Variants in POU6F2 observed in about 807,000 individuals in gnomAD.
POU6F2 encodes POU domain, class 6, transcription factor 2.
A neutral mutation model predicts 71.3 loss-of-function variants in POU6F2; 31 were observed. That is an observed-to-expected ratio of 0.43 (90% CI 0.33 to 0.59). The LOEUF is 0.59. Ranked by LOEUF, POU6F2 falls within the 20% of genes least tolerant of loss-of-function variation. The pLI, the probability that POU6F2 is intolerant of heterozygous loss-of-function variation, is 0.04. For missense variants in POU6F2, 783 were observed against 856.8 expected, an observed-to-expected ratio of 0.91 and a Z score of 1.07; for synonymous variants, 347 against 355.7, an observed-to-expected ratio of 0.98 and a Z score of 0.27.
At chr7:39,398,201 C>G (rs1269376077) in intron 5 of POU6F2, among the ~76,000 whole-genome samples, 2 of 152,050 alleles carry the variant, frequency 1.3e-5, no homozygotes, top group African/African-American at 2.4e-5. Flanking sequence ...ATGCCTGGCA[C>G]TGTTGAAAGA....
chr7:39,058,024 C>T (rs532020801), intron 1 of POU6F2, among the ~76,000 whole-genome samples: 3 of 152,140 alleles, frequency 2.0e-5, no homozygotes, highest in East Asian at 1.9e-4. Flanking sequence ...TGGGGCCCTG[C>T]GGGTACCCAG....
chr7:39,437,307 T>C (rs1375951629), intron 7 of POU6F2, among the ~76,000 whole-genome samples: 2 of 152,224 alleles, frequency 1.3e-5, no homozygotes, highest in Non-Finnish European at 2.9e-5. Context: ...GAACTTGTTA[T>C]TGGTCTATTC....
At chr7:39,427,735 A>G (rs1357955766) in intron 6 of POU6F2, among the ~76,000 whole-genome samples, 2 of 152,236 alleles carry the variant, frequency 1.3e-5, no homozygotes, top group Admixed American at 6.5e-5. Flanking sequence ...TACAGCATTG[A>G]TAGGTCTCCT....
At chr7:39,030,573 G>T (rs1789920208) in intron 1 of POU6F2, among the ~76,000 whole-genome samples, 2 of 116,162 alleles carry the variant, frequency 1.7e-5, no homozygotes, top group African/African-American at 3.1e-5. Flanking sequence ...CCATTGCCCG[G>T]ATGTGTAACA....
Position 39,467,894 on chromosome 7 carries a change from T to C in POU6F2, c.*3208T>C, listed in dbSNP as rs1789110219. ...CTCAATATTTGTAGGTATATGCACA[T>C]TGTATAGATATGGCTAAATGTTGCT... On this transcript the variant is annotated 3_prime_UTR_variant, in exon 10 of 10. Transcript: ENST00000518318. The C allele has an allele frequency of 6.6e-6, 1 of 152,208 alleles. No individual in the cohort carries two copies. The highest frequency in any genetic ancestry group is 1.5e-5 in the Non-Finnish European group (1 of 68,034). 9.4% of individuals were successfully genotyped at this position (152,208 alleles called of 1,614,324 possible). A position where few individuals can be genotyped will look rare whatever the true frequency, so the allele number is the denominator to read the frequency against.
Position 39,464,471 on chromosome 7 carries a change from A to G in POU6F2, c.1948A>G (p.Ile650Val), listed in dbSNP as rs530794679. ...CTCCTTCACACCCCAGGCCCTTGAG[A>G]TCCTCAATGCCCACTTTGAGAAGAA... ...RTSFTPQALEILNAHFEKNTH... is the reference protein window; with the variant it reads ...RTSFTPQALEVLNAHFEKNTH... The change falls in exon 10 of 10, where the codon ATC becomes GTC. Residue 650 changes from isoleucine to valine, a missense_variant. Ile to Val is a conservative substitution (Grantham distance 29). Coordinates refer to ENST00000518318, the MANE Select transcript of POU6F2 (RefSeq NM_001370959.1). The surrounding 1 kb of genome is among the most constrained non-coding windows in gnomAD (Gnocchi z 4.1). 6.2e-7 allele frequency: 1 copy of G among 1,613,960 alleles called. No homozygotes were observed. The highest frequency in any genetic ancestry group is 1.7e-5 in the Admixed American group (1 of 60,006).
chr7:39,371,242 C>T (rs554553967), intron 5 of POU6F2, among the ~76,000 whole-genome samples: 5 of 151,594 alleles, frequency 3.3e-5, no homozygotes, highest in South Asian at 2.1e-4. Flanking sequence ...TGCAGTGGCA[C>T]GATCTTGGCT....
In POU6F2 at chr7:39,463,255, C is replaced by T. The variant is rs143761905; in HGVS notation, c.1659-927C>T. ...ACACTCTATATAATTTTGTCCAAGA[C>T]GCTTCATATTTTTTAAAGTCAATGT... On this transcript the variant is annotated intron_variant, in intron 9 of 9. Transcript: ENST00000518318. Among the ~76,000 whole-genome samples, 349 of 152,302 alleles carry T rather than the reference C, an allele frequency of 2.3e-3. 3 individuals are homozygous for T. Among genetic ancestry groups the T allele is most frequent in the African/African-American group, 6.6e-3 (274 of 41,568 alleles).
intron 2 of POU6F2, among the ~76,000 whole-genome samples, chr7:39,089,524 C>T (rs1791320945): frequency 6.6e-6 from 1 of 152,108 alleles, no homozygotes; most frequent in Admixed American, 6.5e-5. Flanking sequence ...TGGCCTTTGG[C>T]AAACAATCTT....
chr7:39,245,835 G>A (rs1046942825), intron 4 of POU6F2, among the ~76,000 whole-genome samples: 3 of 152,150 alleles, frequency 2.0e-5, no homozygotes, highest in African/African-American at 7.2e-5. Flanking sequence ...AGAAGATCAT[G>A]GTTCTGATGC....
At chr7:39,073,095 C>T (rs758736060) in intron 1 of POU6F2, among the ~76,000 whole-genome samples, 10 of 152,064 alleles carry the variant, frequency 6.6e-5, no homozygotes, top group Non-Finnish European at 1.5e-4. Flanking sequence ...AGCACAACAC[C>T]TGGTACTGAT....
chr7:39,252,971 A>G (rs767678638), intron 4 of POU6F2, among the ~76,000 whole-genome samples: 8 of 152,182 alleles, frequency 5.3e-5, no homozygotes, highest in Non-Finnish European at 1.0e-4. Flanking sequence ...CAAAGAATGT[A>G]AGCTCCAGCA....
intron 7 of POU6F2, 93 bp from the exon 8 acceptor site, chr7:39,451,440 A>T: frequency 7.8e-7 from 1 of 1,289,264 alleles, no homozygotes; most frequent in African/African-American, 1.5e-5. Flanking sequence ...TTGGAAATAA[A>T]ATGATTCACT....
intron 5 of POU6F2, among the ~76,000 whole-genome samples, chr7:39,349,446 G>A (rs1425466612): frequency 6.6e-6 from 1 of 152,112 alleles, no homozygotes; most frequent in East Asian, 1.9e-4. Context: ...CCACGGGACC[G>A]ACAGAACTGG....
intron 7 of POU6F2, among the ~76,000 whole-genome samples, chr7:39,439,112 C>G (rs1033655689): frequency 1.3e-5 from 2 of 151,966 alleles, no homozygotes; most frequent in African/African-American, 4.8e-5. Flanking sequence ...ATTACATAAT[C>G]CCCTTCTTTG....
intron 2 of POU6F2, among the ~76,000 whole-genome samples, chr7:39,130,398 G>A (rs749653328): frequency 3.3e-5 from 5 of 152,076 alleles, no homozygotes; most frequent in East Asian, 1.9e-4. Flanking sequence ...ACGCACATGG[G>A]CCATCCAAAT....
chr7:39,148,206 G>A (rs1022732449), intron 2 of POU6F2, among the ~76,000 whole-genome samples: 3 of 152,190 alleles, frequency 2.0e-5, no homozygotes, highest in African/African-American at 7.2e-5. Flanking sequence ...GCACTTTTCT[G>A]TAGACTGGTG....
chr7:39,444,616 G>A lies in POU6F2; in HGVS notation c.1321-6917G>A, dbSNP rs143950255. Among the ~76,000 whole-genome samples, 1,093 of 152,332 alleles carry A rather than the reference G, an allele frequency of 7.2e-3. 13 individuals carry two copies. The highest frequency in any genetic ancestry group is 0.011 in the Non-Finnish European group (778 of 68,042). ...CAAACAACCAGATGAAAGTAAGAGAGTGATGAGAATCTTTGTGTGCATGAA... is the reference window on the plus strand; with the variant it reads ...CAAACAACCAGATGAAAGTAAGAGAATGATGAGAATCTTTGTGTGCATGAA... On this transcript the variant is annotated intron_variant, in intron 7 of 9. Transcript: ENST00000518318.
At chr7:39,187,057 G>A (rs926989975) in intron 2 of POU6F2, among the ~76,000 whole-genome samples, 3 of 152,216 alleles carry the variant, frequency 2.0e-5, no homozygotes, top group African/African-American at 7.2e-5. Flanking sequence ...CATTTATTGT[G>A]TGTTTACTAT....
Sources: allele counts gnomAD v4.1 joint callset (sites outside exome capture counted in the v4.1 genomes callset), GRCh38; gene constraint gnomAD v4.1.1; non-coding constraint Gnocchi (gnomAD v3.1); transcripts MANE v1.5; gene names NCBI Gene and HGNC (gene_info 2026-07-23, HGNC 2026-07-21).